CDH20: variants seen among roughly 807,000 people sequenced by gnomAD.
CDH20 encodes the protein cadherin 20.
CDH20 carries 29 observed loss-of-function variants against 74.2 expected under a neutral mutation model. The observed-to-expected ratio is 0.39, with a 90% CI of 0.29 to 0.53. The LOEUF (loss-of-function observed/expected upper bound fraction) is 0.53. CDH20 is among the 20% of genes least tolerant of loss of function. CDH20 has a pLI of 0.69. For synonymous variants in CDH20, 469 were observed against 405.4 expected (o/e 1.16, Z -1.88); for missense variants, 988 against 1,048.3 (o/e 0.94, Z 0.79).
intron 1 of CDH20, among the ~76,000 whole-genome samples, chr18:61,442,572 A>C (rs1909069608): frequency 6.6e-6 from 1 of 152,146 alleles, no homozygotes; most frequent in Non-Finnish European, 1.5e-5. Flanking sequence ...GCACAGAAGA[A>C]TACAATTAAG....
At chr18:61,477,062 G>A (rs1190624701) in intron 1 of CDH20, among the ~76,000 whole-genome samples, 2 of 151,284 alleles carry the variant, frequency 1.3e-5, no homozygotes, top group Non-Finnish European at 2.9e-5. Flanking sequence ...AAGAACCATC[G>A]GGGAATTAAA....
At chr18:61,405,551 C>A (rs1426570433) in intron 1 of CDH20, among the ~76,000 whole-genome samples, 2 of 152,204 alleles carry the variant, frequency 1.3e-5, no homozygotes, top group East Asian at 3.9e-4. Flanking sequence ...CACACCACTG[C>A]ACTCCAGGCT....
intron 1 of CDH20, among the ~76,000 whole-genome samples, chr18:61,376,506 T>C (rs747366365): frequency 2.6e-5 from 4 of 152,150 alleles, no homozygotes; most frequent in Admixed American, 6.6e-5. Flanking sequence ...TCCAATTTGA[T>C]ATTTCCTTCA....
At chr18:61,441,523 T>C (rs1909032052) in intron 1 of CDH20, among the ~76,000 whole-genome samples, 1 of 152,160 alleles carries the variant, frequency 6.6e-6, no homozygotes, top group South Asian at 2.1e-4. Flanking sequence ...AAGCAATAAA[T>C]ATAGACTTTA....
intron 6 of CDH20, among the ~76,000 whole-genome samples, chr18:61,518,818 T>A (rs985358031): frequency 1.3e-5 from 2 of 151,172 alleles, no homozygotes; most frequent in Non-Finnish European, 2.9e-5. Flanking sequence ...AATAACAAAC[T>A]TTTCCGAGCT....
At chr18:61,425,660 T>G (rs1568134368) in intron 1 of CDH20, among the ~76,000 whole-genome samples, 5 of 152,074 alleles carry the variant, frequency 3.3e-5, no homozygotes. Flanking sequence ...GCTATGAGGA[T>G]GAAAAGCATA....
chr18:61,521,152 G>T lies in CDH20; in HGVS notation c.1018-6815G>T, dbSNP rs181130694. On this transcript the variant is annotated intron_variant, in intron 6 of 11. Transcript: ENST00000262717. ...AATCCAGGAGCTGGTTTTTTGAAAA[G>T]ATTAACAAAATAGATAGATTGCTAG... Among the ~76,000 whole-genome samples the T allele has an allele frequency of 5.4e-3, 813 of 150,526 alleles. 51 individuals are homozygous for T. The highest frequency in any genetic ancestry group is 0.019 in the African/African-American group (779 of 40,548).
chr18:61,377,547 G>A (rs1395962437), intron 1 of CDH20, among the ~76,000 whole-genome samples: 1 of 151,158 alleles, frequency 6.6e-6, no homozygotes, highest in Non-Finnish European at 1.5e-5. Context: ...TGGCCGCATT[G>A]TTAAGTCTTT....
intron 1 of CDH20, among the ~76,000 whole-genome samples, chr18:61,370,770 G>C (rs966274751): frequency 2.6e-5 from 4 of 152,104 alleles, no homozygotes; most frequent in African/African-American, 9.7e-5. Context: ...CTTGGTGAAA[G>C]AGTACAAAGT....
chr18:61,501,245 A>G lies in CDH20; in HGVS notation c.661+743A>G, dbSNP rs115647586. Among the ~76,000 whole-genome samples the G allele has an allele frequency of 5.2e-3, 782 of 151,114 alleles. 7 individuals carry two copies. Among genetic ancestry groups the G allele is most frequent in the African/African-American group, 0.017 (692 of 41,184 alleles). On this transcript the variant is annotated intron_variant, in intron 4 of 11. Coordinates refer to ENST00000262717, the MANE Select transcript of CDH20 (RefSeq NM_031891.4). Reference sequence around the variant, plus strand: ...AGTTTGGTGTTTTGTTTGCTTATTTATTTCTGTCTTACCCGAGAGCTTTGA... The same window carrying G: ...AGTTTGGTGTTTTGTTTGCTTATTTGTTTCTGTCTTACCCGAGAGCTTTGA...
chr18:61,484,452 G>T (rs998846697), intron 1 of CDH20, among the ~76,000 whole-genome samples: 1 of 152,052 alleles, frequency 6.6e-6, no homozygotes, highest in Non-Finnish European at 1.5e-5. Flanking sequence ...CAATCTATTC[G>T]CCAGCCTTGG....
chr18:61,341,269 G>C (rs868036572), intron 1 of CDH20, among the ~76,000 whole-genome samples: 1 of 152,140 alleles, frequency 6.6e-6, no homozygotes, highest in Non-Finnish European at 1.5e-5. Context: ...TCTGGTGAGG[G>C]CCTTCTTCTG....
chr18:61,360,220 T>G (rs1341814794), intron 1 of CDH20, among the ~76,000 whole-genome samples: 2 of 152,190 alleles, frequency 1.3e-5, no homozygotes, highest in African/African-American at 2.4e-5. Context: ...CTAGATGATC[T>G]GTAGGTTACC....
chr18:61,408,347 T>C (rs1347710371), intron 1 of CDH20, among the ~76,000 whole-genome samples: 2 of 152,186 alleles, frequency 1.3e-5, no homozygotes, highest in Non-Finnish European at 1.5e-5. Flanking sequence ...AGGTAGTTTC[T>C]AGAACTTTGC....
At chr18:61,454,622 C>G (rs915134219) in intron 1 of CDH20, among the ~76,000 whole-genome samples, 1 of 152,182 alleles carries the variant, frequency 6.6e-6, no homozygotes, top group African/African-American at 2.4e-5. Flanking sequence ...AAAATAAGGT[C>G]TGGGTAGAAG....
At chr18:61,539,511 GT>G (rs1912950348) in intron 9 of CDH20, among the ~76,000 whole-genome samples, 1 of 152,170 alleles carries the variant, frequency 6.6e-6, no homozygotes. Flanking sequence ...CACTTTGAGG[GT>G]GGCCAGATGC....
At chr18:61,523,146 A>T (rs1389507422) in intron 6 of CDH20, among the ~76,000 whole-genome samples, 1 of 151,492 alleles carries the variant, frequency 6.6e-6, no homozygotes, top group Non-Finnish European at 1.5e-5. Context: ...ATGGGAGAAA[A>T]TTTTTGCAAT....
chr18:61,457,224 G>A (rs7239449), intron 1 of CDH20, among the ~76,000 whole-genome samples: 82,936 of 151,828 alleles, frequency 0.55, 23,862 homozygotes, highest in African/African-American at 0.74. Context: ...TCTAATTATA[G>A]TTTAATAAAA....
In CDH20 at chr18:61,353,983, T is replaced by G. The variant is rs1355915120; in HGVS notation, c.-153+20156T>G. The stretch of plus-strand genomic sequence containing the variant: ...CTGTGGTCCCAGCTACTTGGGAGGT[T>G]GCAAGTGAGCCAAGATTGGGCCACA... On this transcript the variant is annotated intron_variant, in intron 1 of 11. Transcript: ENST00000262717. This position sits in a 1 kb window ranked among gnomAD's most constrained non-coding sequence, Gnocchi z 4.6. Among the ~76,000 whole-genome samples the G allele has an allele frequency of 6.7e-6, 1 of 150,338 alleles. No individual in the cohort carries two copies. Among genetic ancestry groups the G allele is most frequent in the Non-Finnish European group, 1.5e-5 (1 of 67,646 alleles).
Sources: allele counts gnomAD v4.1 joint callset (sites outside exome capture counted in the v4.1 genomes callset), GRCh38; gene constraint gnomAD v4.1.1; non-coding constraint Gnocchi (gnomAD v3.1); transcripts MANE v1.5; gene names NCBI Gene and HGNC (gene_info 2026-07-23, HGNC 2026-07-21).